COL19A1: variants seen among roughly 807,000 people sequenced by gnomAD.
COL19A1 encodes collagen type XIX alpha 1 chain.
Under a neutral mutation model 190.2 loss-of-function variants are expected in COL19A1, and 159 were observed. The observed-to-expected ratio is 0.84, with a 90% confidence interval of 0.73 to 0.95. The LOEUF (loss-of-function observed/expected upper bound fraction) is 0.95, where lower values mean the gene tolerates loss of function less well. Ranked by LOEUF, COL19A1 falls within the 40% of genes least tolerant of loss-of-function variation. The pLI is 0.00. For synonymous variants in COL19A1, 509 were observed against 458.9 expected (o/e 1.11, Z -1.39); for missense variants, 1,418 against 1,431.9 (o/e 0.99, Z 0.16).
chr6:69,900,126 G>A lies in COL19A1; in HGVS notation c.167-113G>A, dbSNP rs902671165. On this transcript the variant is annotated intron_variant, in intron 3 of 50. Coordinates refer to ENST00000620364, the MANE Select transcript of COL19A1 (RefSeq NM_001858.6). ...CAAGAAATTTTGCTGATCCCAAGCA[G>A]CAAGATTTCGTTTGAAGTGAATCAA... The A allele has an allele frequency of 2.2e-4, 118 of 540,984 alleles. No individual in the cohort carries two copies. The African/African-American group carries it at 2.2e-3, about 10-fold the overall frequency. The allele number at this position is 540,984 out of a possible 1,614,324, so 33.5% of individuals were successfully genotyped here. A position where few individuals can be genotyped will look rare whatever the true frequency, so the allele number is the denominator to read the frequency against.
At chr6:70,127,193 C>G (rs1785252908) in intron 17 of COL19A1, among the ~76,000 whole-genome samples, 1 of 152,144 alleles carries the variant, frequency 6.6e-6, no homozygotes, top group Non-Finnish European at 1.5e-5. Flanking sequence ...AAGACCATGA[C>G]AGCTGAAACT....
chr6:70,095,835 G>T (rs996141670), intron 15 of COL19A1, among the ~76,000 whole-genome samples: 7 of 152,022 alleles, frequency 4.6e-5, no homozygotes, highest in African/African-American at 1.7e-4. Flanking sequence ...ATGTCCTCAA[G>T]GTTCCTCCAT....
chr6:69,899,525 C>T (rs753497605), intron 3 of COL19A1, among the ~76,000 whole-genome samples: 2 of 151,724 alleles, frequency 1.3e-5, no homozygotes, highest in Non-Finnish European at 2.9e-5. Flanking sequence ...CTGTGATCAA[C>T]AATACCTCAA....
intron 9 of COL19A1, among the ~76,000 whole-genome samples, chr6:69,945,636 C>A (rs1022075424): frequency 1.1e-4 from 16 of 151,956 alleles, no homozygotes; most frequent in African/African-American, 3.9e-4. Context: ...CCTTTCTAAT[C>A]CCATATTGAA....
intron 4 of COL19A1, among the ~76,000 whole-genome samples, chr6:69,910,998 G>A (rs1770876217): frequency 6.6e-6 from 1 of 152,182 alleles, no homozygotes; most frequent in African/African-American, 2.4e-5. Context: ...ACCTTTAATA[G>A]TGCTTGATGC....
intron 11 of COL19A1, among the ~76,000 whole-genome samples, chr6:69,966,507 C>T (rs1304854277): frequency 6.6e-6 from 1 of 152,158 alleles, no homozygotes; most frequent in African/African-American, 2.4e-5. Context: ...GCTGTGTCCA[C>T]TAAGGGTTAA....
At chr6:70,067,479 G>A (rs900076732) in intron 14 of COL19A1, among the ~76,000 whole-genome samples, 4 of 152,080 alleles carry the variant, frequency 2.6e-5, no homozygotes, top group African/African-American at 7.2e-5. Flanking sequence ...TCTGGAGGGA[G>A]GATCCTGAGT....
At chr6:69,896,071 C>A (rs1381101761) in intron 2 of COL19A1, among the ~76,000 whole-genome samples, 1 of 152,024 alleles carries the variant, frequency 6.6e-6, no homozygotes, top group Non-Finnish European at 1.5e-5. Flanking sequence ...GTACTAATTT[C>A]CATTCTCATA....
chr6:70,196,961 G>C (rs1767236630), intron 48 of COL19A1, among the ~76,000 whole-genome samples: 1 of 152,136 alleles, frequency 6.6e-6, no homozygotes, highest in African/African-American at 2.4e-5. Context: ...TTCAAAGCCA[G>C]ATAATTTACA....
At chr6:70,137,586 T>C (rs749077833) in intron 18 of COL19A1, 99 bp from the exon 19 acceptor site, 16 of 1,080,506 alleles carry the variant, frequency 1.5e-5, no homozygotes, top group Non-Finnish European at 2.1e-5. Context: ...AGATAAATTG[T>C]ATAGTTAGCA....
chr6:69,955,747 G>A (rs1278479990), intron 9 of COL19A1, among the ~76,000 whole-genome samples: 1 of 152,002 alleles, frequency 6.6e-6, no homozygotes, highest in African/African-American at 2.4e-5. Context: ...TGAAAAATGA[G>A]TGGTTTACTG....
At position 69,962,783 on chromosome 6, in the gene COL19A1, G is replaced by T. The variant is rs1020708758; in HGVS notation, c.982-43G>T. Reference sequence around the variant, plus strand: ...ATTGTAAAAATTGCATGTGTTATAAGTATCATTTTTATTACTATACACATC... The same window carrying T: ...ATTGTAAAAATTGCATGTGTTATAATTATCATTTTTATTACTATACACATC... On this transcript the variant is annotated intron_variant, in intron 10 of 50. Coordinates refer to ENST00000620364, the MANE Select transcript of COL19A1 (RefSeq NM_001858.6). The T allele has an allele frequency of 2.9e-6, 4 of 1,372,032 alleles. No individual in the cohort carries two copies. The Admixed American group carries it at 6.6e-5, about 23-fold the overall frequency. The allele number at this position is 1,372,032 out of a possible 1,614,324, so 85.0% of individuals were successfully genotyped here. A position where few individuals can be genotyped will look rare whatever the true frequency, so the allele number is the denominator to read the frequency against.
intron 14 of COL19A1, among the ~76,000 whole-genome samples, chr6:70,039,929 AT>A (rs35411164): frequency 0.01 from 1,520 of 148,512 alleles, 26 homozygotes; most frequent in African/African-American, 0.032. Flanking sequence ...TGCCCAGCTA[AT>A]TTTTTTTTTT....
In COL19A1 at chr6:70,156,355, A is replaced by G; in HGVS notation, c.2224A>G (p.Arg742Gly). The change falls in exon 33 of 51, where the codon AGA becomes GGA. Residue 742 changes from arginine to glycine, a missense_variant. Transcript: ENST00000620364. Reference sequence around the variant, plus strand: ...ACGGGGTCCTCCAGGAATCCCAGGAAGAGAGGGACCAAAGGTAAGAAATTC... The same window carrying G: ...ACGGGGTCCTCCAGGAATCCCAGGAGGAGAGGGACCAAAGGTAAGAAATTC... Reference protein sequence around the residue: ...GPRGPPGIPGREGPKGSKGER... With the variant: ...GPRGPPGIPGGEGPKGSKGER... 6.2e-7 allele frequency: 1 copy of G among 1,613,376 alleles called. No individual in the cohort carries two copies. Among genetic ancestry groups the G allele is most frequent in the South Asian group, 1.1e-5 (1 of 91,056 alleles).
intron 2 of COL19A1, among the ~76,000 whole-genome samples, chr6:69,889,719 GCT>G (rs1769205062): frequency 6.6e-6 from 1 of 152,060 alleles, no homozygotes; most frequent in Admixed American, 6.6e-5. Context: ...ACCAATCAGC[GCT>G]CTGTGTCTAA....
At chr6:69,886,590 TG>T (rs1160474080) in intron 2 of COL19A1, among the ~76,000 whole-genome samples, 1 of 151,782 alleles carries the variant, frequency 6.6e-6, no homozygotes, top group Non-Finnish European at 1.5e-5. Context: ...TAAATGCTCA[TG>T]GATGGATGAA....
chr6:70,201,575 C>G (rs1200655395), intron 49 of COL19A1, among the ~76,000 whole-genome samples: 6 of 152,142 alleles, frequency 3.9e-5, no homozygotes, highest in African/African-American at 1.4e-4. Flanking sequence ...CTAAAATTGT[C>G]AAAACTTTTG....
Position 70,107,332 on chromosome 6 carries a change from C to T in COL19A1, c.1278+5110C>T, listed in dbSNP as rs113331461. On this transcript the variant is annotated intron_variant, in intron 16 of 50. Transcript: ENST00000620364. ...GATGGTATAGGATAGCATAGGATGG[C>T]GGTGAGGAACTTAGTCCTTCTCCTC... Among the ~76,000 whole-genome samples, 13 of 152,206 alleles carry T rather than the reference C, an allele frequency of 8.5e-5. 2 individuals carry two copies. Among genetic ancestry groups the T allele is most frequent in the African/African-American group, 2.4e-4 (10 of 41,544 alleles).
chr6:70,155,112 T>C (rs1202667763), intron 31 of COL19A1, among the ~76,000 whole-genome samples: 2 of 152,162 alleles, frequency 1.3e-5, no homozygotes, highest in Non-Finnish European at 2.9e-5. Flanking sequence ...AAAATTAGTG[T>C]TCCAAGGAGC....
Sources: gnomAD v4.1 joint callset for allele counts (sites outside exome capture counted in the v4.1 genomes callset) on GRCh38, gnomAD v4.1.1 for gene constraint, MANE v1.5 for transcripts, NCBI Gene and HGNC (gene_info 2026-07-23, HGNC 2026-07-21) for gene names.